Variants in NFATC1 observed in about 807,000 individuals in gnomAD.
NFATC1 encodes the protein nuclear factor of activated T cells 1.
Under a neutral mutation model 76.0 loss-of-function variants are expected in NFATC1, and 22 were observed. That is an observed-to-expected ratio of 0.29 (90% CI 0.21 to 0.41). NFATC1 has a LOEUF of 0.41. Ranked by LOEUF, NFATC1 falls within the 10% of genes least tolerant of loss-of-function variation. The pLI is 1.00. For synonymous variants in NFATC1, 704 were observed against 613.1 expected, an observed-to-expected ratio of 1.15 and a Z score of -2.19; for missense variants, 1,357 against 1,337.7, an observed-to-expected ratio of 1.01 and a Z score of -0.23.
intron 8 of NFATC1, among the ~76,000 whole-genome samples, chr18:79,478,168 G>A (rs910922893): frequency 3.5e-4 from 41 of 117,914 alleles, no homozygotes; most frequent in African/African-American, 1.2e-3. Context: ...CAGAGCCCCC[G>A]AGGAGCCAGG....
chr18:79,503,724 T>G (rs2090061653), intron 9 of NFATC1, among the ~76,000 whole-genome samples: 1 of 152,248 alleles, frequency 6.6e-6, no homozygotes, highest in South Asian at 2.1e-4. Context: ...CACTGAGTCC[T>G]CTCCAGCTAT....
chr18:79,467,364 C>A (rs921458324), intron 7 of NFATC1, 86 bp from the exon 8 acceptor site: 1 of 1,305,114 alleles, frequency 7.7e-7, no homozygotes, highest in Non-Finnish European at 1.0e-6. Context: ...GCCGTGGAAA[C>A]GCGGGGTTGC....
At chr18:79,489,826 G>A (rs1273492459) in intron 9 of NFATC1, among the ~76,000 whole-genome samples, 1 of 152,214 alleles carries the variant, frequency 6.6e-6, no homozygotes, top group Non-Finnish European at 1.5e-5. Context: ...GGTCCTGTGT[G>A]CTTCTGCCTC....
At chr18:79,527,195 C>T in intron 9 of NFATC1, 1 of 258,562 alleles carries the variant, frequency 3.9e-6, no homozygotes, top group Non-Finnish European at 7.6e-6. Flanking sequence ...CTGGTGTGGA[C>T]CTGTGGGTCG....
chr18:79,518,541 G>A (rs2090440594), intron 9 of NFATC1, among the ~76,000 whole-genome samples: 1 of 152,202 alleles, frequency 6.6e-6, no homozygotes. Context: ...GCACCTGAGA[G>A]GGTGTCCTTG....
intron 2 of NFATC1, among the ~76,000 whole-genome samples, chr18:79,412,516 G>A (rs142419770): frequency 4.1e-4 from 63 of 151,970 alleles, no homozygotes; most frequent in African/African-American, 1.3e-3. Flanking sequence ...CCCGCAGAGC[G>A]GAGGGCAGGT....
At chr18:79,447,719 G>C (rs1265137542) in intron 3 of NFATC1, among the ~76,000 whole-genome samples, 1 of 152,240 alleles carries the variant, frequency 6.6e-6, no homozygotes, top group African/African-American at 2.4e-5. Flanking sequence ...TGCTTGCTTT[G>C]AGAATCAAAC....
intron 2 of NFATC1, among the ~76,000 whole-genome samples, chr18:79,430,546 C>T (rs929276788): frequency 3.3e-5 from 5 of 152,194 alleles, no homozygotes; most frequent in Admixed American, 2.6e-4. Flanking sequence ...CCATGCCCAG[C>T]TAATTTTTGT....
At chr18:79,510,523 G>T (rs943999414) in intron 9 of NFATC1, among the ~76,000 whole-genome samples, 2 of 152,220 alleles carry the variant, frequency 1.3e-5, no homozygotes, top group Non-Finnish European at 2.9e-5. Flanking sequence ...GATTTGAGGG[G>T]CTTAGAGGTC....
rs1555913614 is a variant in NFATC1 at position 79,473,995 on chromosome 18, C to CAT, written c.2092+6413_2092+6414insAT. Among the ~76,000 whole-genome samples, 443 of 122,406 alleles carry CAT rather than the reference C, an allele frequency of 3.6e-3. 18 individuals carry two copies. The highest frequency in any genetic ancestry group is 0.018 in the Middle Eastern group (2 of 114). The allele number at this position is 122,406 out of a possible 152,430, so 80.3% of individuals were successfully genotyped here. On this transcript the variant is annotated intron_variant, in intron 8 of 9. Transcript: ENST00000427363. ...CTCACTGTCGACGTTGCGAGGGAAG[C>CAT]GTTTTCACACTCACTGTCGACGTAA...
intron 6 of NFATC1, among the ~76,000 whole-genome samples, chr18:79,459,990 A>G (rs2087974565): frequency 6.6e-6 from 1 of 152,206 alleles, no homozygotes; most frequent in Non-Finnish European, 1.5e-5. Flanking sequence ...GATGGCTTCA[A>G]GCGCAACTGA....
rs546605369 is a variant in NFATC1 at position 79,454,962 on chromosome 18, C to G, written c.1903+3146C>G. Among the ~76,000 whole-genome samples the G allele has an allele frequency of 7.9e-5, 12 of 152,278 alleles. 1 individual carries two copies. The East Asian group carries it at 2.1e-3, about 27-fold the overall frequency. On this transcript the variant is annotated intron_variant, in intron 6 of 9. Coordinates refer to ENST00000427363, the MANE Select transcript of NFATC1 (RefSeq NM_001278669.2). ...GATGTGAGGCACCTCTCTGTACACG[C>G]GTGAACGTTGAAGCTGCTGAGGGAC...
At chr18:79,440,251 G>C (rs1228792879) in intron 3 of NFATC1, among the ~76,000 whole-genome samples, 1 of 152,200 alleles carries the variant, frequency 6.6e-6, no homozygotes, top group Non-Finnish European at 1.5e-5. Context: ...GCTCTGGCAC[G>C]GCCGTTGCTA....
intron 9 of NFATC1, among the ~76,000 whole-genome samples, chr18:79,526,421 C>T (rs552572312): frequency 3.9e-5 from 6 of 152,360 alleles, no homozygotes; most frequent in South Asian, 2.1e-4. Flanking sequence ...GGAGCCCACG[C>T]GTGCCTGTGT....
At chr18:79,411,537 G>T (rs1192510868) in intron 2 of NFATC1, 36 bp downstream of exon 2, 5 of 1,373,038 alleles carry the variant, frequency 3.6e-6, no homozygotes, top group Non-Finnish European at 4.7e-6. Flanking sequence ...GGGGAGGCGA[G>T]GGGAGGCGCG....
intron 3 of NFATC1, among the ~76,000 whole-genome samples, chr18:79,444,622 C>T (rs2087120831): frequency 6.6e-6 from 1 of 151,948 alleles, no homozygotes; most frequent in Admixed American, 6.5e-5. Context: ...GCACTGCTCA[C>T]GTACAACCTG....
intron 2 of NFATC1, among the ~76,000 whole-genome samples, chr18:79,428,106 G>A (rs1306788245): frequency 6.6e-6 from 1 of 150,664 alleles, no homozygotes; most frequent in Non-Finnish European, 1.5e-5. Context: ...CTGTGCGGTG[G>A]GTTGGGGGGG....
chr18:79,515,064 G>A (rs561063537), intron 9 of NFATC1, among the ~76,000 whole-genome samples: 1 of 151,904 alleles, frequency 6.6e-6, no homozygotes, highest in African/African-American at 2.4e-5. Flanking sequence ...TAAAATGCAG[G>A]CCAGGCACAG....
intron 9 of NFATC1, among the ~76,000 whole-genome samples, chr18:79,512,924 C>T (rs554411437): frequency 1.1e-3 from 172 of 152,338 alleles, no homozygotes; most frequent in African/African-American, 3.5e-3. Context: ...ACGTCCTGAC[C>T]GTAGGTCCGC....
Sources: allele counts gnomAD v4.1 joint callset (sites outside exome capture counted in the v4.1 genomes callset), GRCh38; gene constraint gnomAD v4.1.1; transcripts MANE v1.5; gene names NCBI Gene and HGNC (gene_info 2026-07-23, HGNC 2026-07-21).